The following PPFIA2 variants were observed in gnomAD, a reference collection of about 807,000 sequenced individuals.
PPFIA2 encodes PPFI scaffold protein A2, also known as liprin-alpha-2.
Under a neutral mutation model 175.5 loss-of-function variants are expected in PPFIA2, and 46 were observed. The ratio of observed to expected loss-of-function variants is 0.26; its 90% CI spans 0.21 to 0.34. The LOEUF (loss-of-function observed/expected upper bound fraction) is 0.34. Among genes scored for constraint, PPFIA2 ranks in the 10% least tolerant of loss-of-function variants. The probability of loss-of-function intolerance (pLI) is 1.00; values close to 1 mark genes in which losing one functional copy is unlikely to be tolerated. For synonymous variants in PPFIA2, 568 were observed against 511.4 expected (o/e 1.11, Z -1.49); for missense variants, 1,179 against 1,506.1 (o/e 0.78, Z 3.60).
chr12:81,552,559 C>T (rs116894374), intron 4 of PPFIA2, among the ~76,000 whole-genome samples: 4 of 151,612 alleles, frequency 2.6e-5, no homozygotes, highest in Non-Finnish European at 5.9e-5. Context: ...ATCATGATGA[C>T]TATATCAATA....
chr12:81,736,284 TTAAG>T (rs1211897883), intron 3 of PPFIA2, among the ~76,000 whole-genome samples: 8 of 152,048 alleles, frequency 5.3e-5, no homozygotes, highest in African/African-American at 1.9e-4. Flanking sequence ...TAATTTACTC[TTAAG>T]TATTTCATTA....
intron 28 of PPFIA2, among the ~76,000 whole-genome samples, chr12:81,275,446 T>A (rs2040270513): frequency 6.6e-6 from 1 of 152,136 alleles, no homozygotes; most frequent in South Asian, 2.1e-4. Context: ...CTGACAAAGA[T>A]AAAAGTAATT....
At chr12:81,481,091 C>T (rs1428909371) in intron 4 of PPFIA2, among the ~76,000 whole-genome samples, 2 of 152,058 alleles carry the variant, frequency 1.3e-5, no homozygotes, top group Admixed American at 1.3e-4. Context: ...TTCCTATACA[C>T]CAATAATAGA....
chr12:81,262,050 G>A lies in PPFIA2; in HGVS notation c.3716-10C>T, dbSNP rs1343661839. 2 of 1,567,716 alleles carry A rather than the reference G, an allele frequency of 1.3e-6. No homozygotes were observed. Among genetic ancestry groups the A allele is most frequent in the Admixed American group, 1.7e-5 (1 of 58,318 alleles). ...AGTCTTGATGAAGCAACTGCAAATG[G>A]AGAAAAGGGCTTTAGAGGGACTTGG... On this transcript the variant is annotated splice_polypyrimidine_tract_variant and intron_variant, in intron 31 of 32. Transcript: ENST00000549396.
At chr12:81,325,930 G>T in intron 21 of PPFIA2, 60 bp from the exon 22 acceptor site, 1 of 1,282,140 alleles carries the variant, frequency 7.8e-7, no homozygotes, top group Non-Finnish European at 1.1e-6. Context: ...CAATTCTGAA[G>T]TCAGGTTGTT....
At chr12:81,344,557 A>G in intron 19 of PPFIA2, 107 bp downstream of exon 19, 1 of 768,242 alleles carries the variant, frequency 1.3e-6, no homozygotes, top group Non-Finnish European at 2.0e-6. Context: ...AATACTCTCA[A>G]CTTTTTAATG....
intron 4 of PPFIA2, among the ~76,000 whole-genome samples, chr12:81,552,546 T>A (rs1269297364): frequency 6.6e-6 from 1 of 151,994 alleles, no homozygotes; most frequent in Non-Finnish European, 1.5e-5. Flanking sequence ...ATCTAAGTTA[T>A]CAATCATGAT....
intron 3 of PPFIA2, among the ~76,000 whole-genome samples, chr12:81,708,116 T>A (rs2077441774): frequency 6.6e-6 from 1 of 151,428 alleles, no homozygotes; most frequent in South Asian, 2.1e-4. Flanking sequence ...GTCACATGTA[T>A]ACATATGTAA....
intron 22 of PPFIA2, among the ~76,000 whole-genome samples, chr12:81,305,493 C>A (rs2048918980): frequency 6.6e-6 from 1 of 152,052 alleles, no homozygotes; most frequent in Non-Finnish European, 1.5e-5. Flanking sequence ...AATTGCATTT[C>A]CAGATTTACC....
At chr12:81,468,468 A>G (rs189314767) in intron 4 of PPFIA2, among the ~76,000 whole-genome samples, 1 of 152,194 alleles carries the variant, frequency 6.6e-6, no homozygotes, top group South Asian at 2.1e-4. Context: ...GACAGTGTAA[A>G]GCAGGAGGCA....
chr12:81,725,098 C>A (rs1596867976), intron 3 of PPFIA2, among the ~76,000 whole-genome samples: 1 of 150,906 alleles, frequency 6.6e-6, no homozygotes, highest in Admixed American at 6.6e-5. Context: ...AACATTTTTT[C>A]ATACACATGT....
intron 4 of PPFIA2, among the ~76,000 whole-genome samples, chr12:81,460,265 A>G (rs1459693493): frequency 2.6e-5 from 4 of 152,082 alleles, no homozygotes; most frequent in Admixed American, 6.6e-5. Context: ...TGATGATTTT[A>G]TAAAGGGAAA....
At chr12:81,275,445 A>T (rs2040269771) in intron 28 of PPFIA2, among the ~76,000 whole-genome samples, 1 of 152,354 alleles carries the variant, frequency 6.6e-6, no homozygotes, top group Non-Finnish European at 1.5e-5. Flanking sequence ...CCTGACAAAG[A>T]TAAAAGTAAT....
At chr12:81,318,764 G>A (rs562935029) in intron 22 of PPFIA2, among the ~76,000 whole-genome samples, 3 of 151,648 alleles carry the variant, frequency 2.0e-5, no homozygotes, top group South Asian at 4.1e-4. Flanking sequence ...TTGAGTTTTC[G>A]GCACTTTTCT....
At chr12:81,723,191 C>T (rs1185913356) in intron 3 of PPFIA2, among the ~76,000 whole-genome samples, 4 of 150,962 alleles carry the variant, frequency 2.6e-5, no homozygotes, top group Non-Finnish European at 5.9e-5. Context: ...TGCATGCAAA[C>T]CCTTTAAAAC....
chr12:81,621,530 C>T (rs1165461817), intron 4 of PPFIA2, among the ~76,000 whole-genome samples: 2 of 152,064 alleles, frequency 1.3e-5, no homozygotes, highest in African/African-American at 2.4e-5. Flanking sequence ...ACAGTGGATG[C>T]AGAGGGTTAG....
chr12:81,607,488 A>T (rs2060451906), intron 4 of PPFIA2, among the ~76,000 whole-genome samples: 1 of 152,062 alleles, frequency 6.6e-6, no homozygotes, highest in Admixed American at 6.6e-5. Flanking sequence ...GCAGTTTTGC[A>T]GTTCCTCTTG....
At chr12:81,426,493 TG>T (rs1264219328) in intron 7 of PPFIA2, among the ~76,000 whole-genome samples, 2 of 152,202 alleles carry the variant, frequency 1.3e-5, no homozygotes, top group African/African-American at 4.8e-5. Flanking sequence ...TATGGAGGAC[TG>T]TGCCCTCAGA....
intron 28 of PPFIA2, among the ~76,000 whole-genome samples, chr12:81,271,010 G>T (rs2136417886): frequency 6.6e-6 from 1 of 152,188 alleles, no homozygotes; most frequent in African/African-American, 2.4e-5. Context: ...AGTAGCTTTG[G>T]TTAATATTTG....
Sources: allele counts gnomAD v4.1 joint callset (sites outside exome capture counted in the v4.1 genomes callset), GRCh38; gene constraint gnomAD v4.1.1; transcripts MANE v1.5; gene names NCBI Gene and HGNC (gene_info 2026-07-23, HGNC 2026-07-21).